EYS: variants seen among roughly 807,000 people sequenced by gnomAD.
EYS encodes the protein protein eyes shut homolog.
EYS carries 250 observed loss-of-function variants against 282.1 expected under a neutral mutation model. That is an observed-to-expected ratio of 0.89 (90% CI 0.80 to 0.98). The LOEUF is 0.98. Among genes scored for constraint, EYS ranks in the 50% least tolerant of loss-of-function variants. The pLI is 0.00. For synonymous variants in EYS, 1,355 were observed against 1,282.9 expected (o/e 1.06, Z -1.20); for missense variants, 4,016 against 3,709.0 (o/e 1.08, Z -2.15).
intron 2 of EYS, among the ~76,000 whole-genome samples, chr6:65,627,516 G>A (rs1231514129): frequency 1.3e-5 from 2 of 152,172 alleles, no homozygotes; most frequent in Non-Finnish European, 2.9e-5. Flanking sequence ...AGCTTGCAGG[G>A]AGGTGTGGAG....
chr6:63,986,034 A>T (rs558876417), intron 34 of EYS, among the ~76,000 whole-genome samples: 1 of 151,930 alleles, frequency 6.6e-6, no homozygotes, highest in Non-Finnish European at 1.5e-5. Flanking sequence ...CATCTTACAA[A>T]GGTCTAATAT....
At chr6:64,523,018 G>A (rs1365956198) in intron 26 of EYS, among the ~76,000 whole-genome samples, 1 of 151,144 alleles carries the variant, frequency 6.6e-6, no homozygotes. Context: ...GTCAAGGGTT[G>A]ATATGTCATT....
chr6:64,920,618 T>C (rs896934344), intron 15 of EYS, among the ~76,000 whole-genome samples: 5 of 152,158 alleles, frequency 3.3e-5, no homozygotes, highest in South Asian at 2.1e-4. Flanking sequence ...AAAATGTATG[T>C]AAGTATATGT....
chr6:64,762,086 T>C (rs1773178557), intron 22 of EYS, among the ~76,000 whole-genome samples: 1 of 152,212 alleles, frequency 6.6e-6, no homozygotes, highest in South Asian at 2.1e-4. Context: ...ATGATAAGTA[T>C]GTGAAGTGTT....
At chr6:64,795,405 A>C (rs1391478873) in intron 22 of EYS, among the ~76,000 whole-genome samples, 1 of 152,092 alleles carries the variant, frequency 6.6e-6, no homozygotes, top group East Asian at 1.9e-4. Flanking sequence ...GAGAGAAGGA[A>C]CACCATTCTT....
intron 12 of EYS, among the ~76,000 whole-genome samples, chr6:65,218,806 A>G (rs2150257396): frequency 6.6e-6 from 1 of 152,218 alleles, no homozygotes; most frequent in African/African-American, 2.4e-5. Flanking sequence ...TAGAATGGAG[A>G]AAAAAATTAA....
chr6:64,223,463 A>G (rs1398159211), intron 31 of EYS, among the ~76,000 whole-genome samples: 1 of 152,030 alleles, frequency 6.6e-6, no homozygotes, highest in Non-Finnish European at 1.5e-5. Context: ...ACAAGTATAT[A>G]CAACTCAATA....
At chr6:64,265,686 C>G (rs1323806238) in intron 30 of EYS, among the ~76,000 whole-genome samples, 1 of 152,128 alleles carries the variant, frequency 6.6e-6, no homozygotes, top group Non-Finnish European at 1.5e-5. Flanking sequence ...CTGAGTACTT[C>G]TCATTACCAA....
At chr6:65,351,506 C>G (rs998273328) in intron 9 of EYS, among the ~76,000 whole-genome samples, 15 of 151,680 alleles carry the variant, frequency 9.9e-5, no homozygotes, top group Admixed American at 2.0e-4. Context: ...GCTGATTTAT[C>G]CATGAGCAAT....
chr6:64,302,324 A>C (rs1769264199), intron 30 of EYS, among the ~76,000 whole-genome samples: 1 of 152,190 alleles, frequency 6.6e-6, no homozygotes, highest in Admixed American at 6.5e-5. Context: ...CCCCTCTTTC[A>C]ACAGGTGTTA....
In EYS at chr6:64,184,046, G is replaced by A. The variant is rs115758593; in HGVS notation, c.6424+46546C>T. ...GTTGTGATAGGAAGTGACCCTGAGC[G>A]CCTCATTTAAAATAAAAATCTTCTC... On this transcript the variant is annotated intron_variant, in intron 31 of 42. Coordinates refer to ENST00000503581, the MANE Select transcript of EYS (RefSeq NM_001142800.2). 2.6e-3 allele frequency among the ~76,000 whole-genome samples: 399 copies of A among 152,136 alleles called. 2 individuals carry two copies. The highest frequency in any genetic ancestry group is 4.1e-3 in the Non-Finnish European group (280 of 68,004).
At chr6:64,059,986 G>T (rs1277420354) in intron 33 of EYS, among the ~76,000 whole-genome samples, 1 of 152,086 alleles carries the variant, frequency 6.6e-6, no homozygotes, top group Non-Finnish European at 1.5e-5. Context: ...TAATATTGAA[G>T]TGATGAAGTT....
At chr6:64,798,897 A>T (rs1774447372) in intron 22 of EYS, among the ~76,000 whole-genome samples, 1 of 151,722 alleles carries the variant, frequency 6.6e-6, no homozygotes, top group Admixed American at 6.6e-5. Flanking sequence ...TACCTTCCAA[A>T]TTCTCTGGAT....
chr6:64,551,092 A>G (rs574365425), intron 26 of EYS, among the ~76,000 whole-genome samples: 1 of 151,656 alleles, frequency 6.6e-6, no homozygotes, highest in South Asian at 2.1e-4. Flanking sequence ...GGAAAATAAC[A>G]TATAATTTAA....
chr6:63,722,596 A>G (rs1052452600), intron 42 of EYS, among the ~76,000 whole-genome samples: 3 of 152,224 alleles, frequency 2.0e-5, no homozygotes, highest in African/African-American at 7.2e-5. Flanking sequence ...GATTGCTTGA[A>G]GAGGATAGCA....
intron 9 of EYS, among the ~76,000 whole-genome samples, chr6:65,344,736 T>C (rs1041008243): frequency 5.3e-5 from 8 of 151,596 alleles, no homozygotes; most frequent in Middle Eastern, 6.8e-3. Flanking sequence ...GATTTTGAAA[T>C]TGTAGGAAAA....
intron 24 of EYS, among the ~76,000 whole-genome samples, chr6:64,615,994 A>T (rs969136832): frequency 1.3e-5 from 2 of 152,118 alleles, no homozygotes; most frequent in Non-Finnish European, 2.9e-5. Context: ...GAGCTCAAAT[A>T]TTAATAGATT....
At chr6:64,821,520 A>G in intron 21 of EYS, 125 bp downstream of exon 21, 1 of 514,558 alleles carries the variant, frequency 1.9e-6, no homozygotes, top group Non-Finnish European at 3.5e-6. Context: ...CAGAGGAAAG[A>G]TGAGAGAACA....
intron 22 of EYS, among the ~76,000 whole-genome samples, chr6:64,716,076 G>T (rs1771380901): frequency 6.6e-6 from 1 of 152,210 alleles, no homozygotes; most frequent in South Asian, 2.1e-4. Context: ...TGTGAGTTAA[G>T]GGTGTATAGT....
Sources: gnomAD v4.1 joint callset for allele counts (sites outside exome capture counted in the v4.1 genomes callset) on GRCh38, gnomAD v4.1.1 for gene constraint, MANE v1.5 for transcripts, NCBI Gene and HGNC (gene_info 2026-07-23, HGNC 2026-07-21) for gene names.